Variants in CSMD1 observed in about 807,000 individuals in gnomAD.
CSMD1 encodes CUB and sushi domain-containing protein 1.
Under a neutral mutation model 417.5 loss-of-function variants are expected in CSMD1, and 213 were observed. That is an observed-to-expected ratio of 0.51 (90% CI 0.46 to 0.57). The LOEUF is 0.57. Among genes scored for constraint, CSMD1 ranks in the 20% least tolerant of loss-of-function variants. The pLI, the probability that CSMD1 is intolerant of heterozygous loss-of-function variation, is 0.00. For missense variants in CSMD1, 6,923 were observed against 4,529.7 expected (o/e 1.53, Z -15.17); for synonymous variants, 2,862 against 1,736.8 (o/e 1.65, Z -16.11).
intron 1 of CSMD1, among the ~76,000 whole-genome samples, chr8:4,913,899 C>T (rs1805867723): frequency 6.6e-6 from 1 of 152,166 alleles, no homozygotes; most frequent in Non-Finnish European, 1.5e-5. Flanking sequence ...ACTGTGCATC[C>T]TTCTTAATTA....
chr8:2,989,567 C>T (rs907885209), intron 54 of CSMD1, among the ~76,000 whole-genome samples: 2 of 152,040 alleles, frequency 1.3e-5, no homozygotes, highest in African/African-American at 4.8e-5. Context: ...AAAACAAAGG[C>T]TACATTAATC....
chr8:4,651,868 C>A (rs1322597825), intron 1 of CSMD1, among the ~76,000 whole-genome samples: 1 of 152,146 alleles, frequency 6.6e-6, no homozygotes, highest in Non-Finnish European at 1.5e-5. Flanking sequence ...TTATAAAGAA[C>A]CCTGGCCTGC....
chr8:4,329,013 C>G (rs1216544547), intron 3 of CSMD1, among the ~76,000 whole-genome samples: 1 of 152,120 alleles, frequency 6.6e-6, no homozygotes, highest in East Asian at 1.9e-4. Context: ...TCTTGGGCTT[C>G]CAACATCAAT....
In CSMD1 at chr8:3,460,107, T is replaced by C. The variant is rs531020461; in HGVS notation, c.1561+8605A>G. 1.4e-4 allele frequency among the ~76,000 whole-genome samples: 21 copies of C among 151,922 alleles called. No individual in the cohort carries two copies. In the South Asian group the frequency reaches 4.4e-3, roughly 32 times the overall value. ...CCTGGGAAGAAAGGCAATTAAACAA[T>C]TGTTGGGATGGAGGCAGCTCAGGGT... On this transcript the variant is annotated intron_variant, in intron 12 of 69. Transcript: ENST00000635120.
Position 3,142,604 on chromosome 8 carries a change from A to T in CSMD1, c.6102T>A (p.Pro2034=). The part of the protein sequence containing the change: ...NHDFLEIQNG[P]YHTSPMIGQF... ...GTCCAATCATGGGGCTGGTGTGGTA[A>T]GGTCCATTTTGAATTTCAAGGAAGT... is the stretch of plus-strand genomic sequence containing the variant. The change falls in exon 41 of 70, where the codon CCT becomes CCA. Residue 2034 remains proline, a synonymous_variant. Transcript: ENST00000635120. 1 of 1,614,004 alleles carries T rather than the reference A, an allele frequency of 6.2e-7. No homozygotes were observed. The highest frequency in any genetic ancestry group is 8.5e-7 in the Non-Finnish European group (1 of 1,179,864).
At chr8:2,970,735 C>G (rs1804389030) in intron 57 of CSMD1, among the ~76,000 whole-genome samples, 1 of 152,168 alleles carries the variant, frequency 6.6e-6, no homozygotes, top group Non-Finnish European at 1.5e-5. Context: ...AATTCACAAA[C>G]CCACCATGGT....
rs1275100974 is a variant in CSMD1 at position 3,052,450 on chromosome 8, C to G, written c.7660+12G>C. On this transcript the variant is annotated intron_variant, in intron 50 of 69. Coordinates refer to ENST00000635120, the MANE Select transcript of CSMD1 (RefSeq NM_033225.6). ...AACCCACAAAGATGGGCAGATGCCC[C>G]TGAACACTTACGCTTACACGTGGGC... is the stretch of plus-strand genomic sequence containing the variant. 1 of 1,557,724 alleles carries G rather than the reference C, an allele frequency of 6.4e-7. No individual in the cohort carries two copies. The highest frequency in any genetic ancestry group is 8.7e-7 in the Non-Finnish European group (1 of 1,150,134).
chr8:4,067,947 C>A (rs568384915), intron 3 of CSMD1, among the ~76,000 whole-genome samples: 10 of 151,984 alleles, frequency 6.6e-5, no homozygotes, highest in African/African-American at 2.4e-5. Context: ...CATGGTGGTG[C>A]GCTCCTGTAA....
chr8:3,024,117 C>G (rs574403524), intron 51 of CSMD1, among the ~76,000 whole-genome samples: 1 of 150,094 alleles, frequency 6.7e-6, no homozygotes, highest in Non-Finnish European at 1.5e-5. Flanking sequence ...ATATTATTAC[C>G]AGGATTCATG....
chr8:4,101,018 C>T (rs4875277), intron 3 of CSMD1, among the ~76,000 whole-genome samples: 118,911 of 152,056 alleles, frequency 0.78, 46,612 homozygotes, highest in African/African-American at 0.8. Flanking sequence ...TCCCAATCCA[C>T]GCAGCCTGTG....
chr8:4,909,503 A>C (rs1466949044), intron 1 of CSMD1, among the ~76,000 whole-genome samples: 4 of 152,102 alleles, frequency 2.6e-5, no homozygotes, highest in Admixed American at 6.5e-5. Flanking sequence ...TTTTTCCCTA[A>C]AGAGAAAGCC....
intron 1 of CSMD1, among the ~76,000 whole-genome samples, chr8:4,768,433 C>A (rs773570035): frequency 2.0e-5 from 3 of 152,176 alleles, no homozygotes; most frequent in Non-Finnish European, 4.4e-5. Flanking sequence ...CTGTGTTAAA[C>A]GTCAGGGAAA....
chr8:4,329,846 G>C (rs974621083), intron 3 of CSMD1, among the ~76,000 whole-genome samples: 8 of 76,516 alleles, frequency 1.0e-4, no homozygotes, highest in Non-Finnish European at 2.0e-4. Flanking sequence ...GCACCACCCT[G>C]CTTACACACA....
intron 2 of CSMD1, among the ~76,000 whole-genome samples, chr8:4,589,921 T>G (rs897886864): frequency 1.3e-5 from 2 of 152,296 alleles, no homozygotes; most frequent in African/African-American, 4.8e-5. Flanking sequence ...ATATGTGGCT[T>G]TTGTCTAACC....
chr8:4,156,828 G>A (rs1192352186), intron 3 of CSMD1, among the ~76,000 whole-genome samples: 2 of 151,950 alleles, frequency 1.3e-5, no homozygotes, highest in Admixed American at 1.3e-4. Context: ...CAAGTACTAT[G>A]AACACAATCA....
In CSMD1 at chr8:4,290,470, C is replaced by T. The variant is rs530774094; in HGVS notation, c.415+129483G>A. On this transcript the variant is annotated intron_variant, in intron 3 of 69. Coordinates refer to ENST00000635120, the MANE Select transcript of CSMD1 (RefSeq NM_033225.6). ...TCTATGGGCAATTTTAAACAAGGGTCAGGGACACTGCATCTTTCATAGCAT... is the reference window on the plus strand; with the variant it reads ...TCTATGGGCAATTTTAAACAAGGGTTAGGGACACTGCATCTTTCATAGCAT... Among the ~76,000 whole-genome samples the T allele has an allele frequency of 2.6e-5, 4 of 152,194 alleles. No individual in the cohort carries two copies. The East Asian group carries it at 7.7e-4, about 29-fold the overall frequency.
chr8:4,373,517 G>C (rs529065339), intron 3 of CSMD1, among the ~76,000 whole-genome samples: 6 of 152,236 alleles, frequency 3.9e-5, no homozygotes, highest in African/African-American at 9.6e-5. Flanking sequence ...AAAACTTTCA[G>C]AACTACTGCA....
intron 10 of CSMD1, among the ~76,000 whole-genome samples, chr8:3,539,306 C>G (rs189838744): frequency 6.6e-6 from 1 of 152,198 alleles, no homozygotes; most frequent in African/African-American, 2.4e-5. Context: ...GCCTACCTCC[C>G]ACCCCCAAGC....
chr8:4,732,773 A>G (rs1040137385), intron 1 of CSMD1, among the ~76,000 whole-genome samples: 3 of 152,154 alleles, frequency 2.0e-5, no homozygotes, highest in Non-Finnish European at 4.4e-5. Context: ...TATAGCTCTA[A>G]TTGTGCCCAA....
Sources: allele counts gnomAD v4.1 joint callset (sites outside exome capture counted in the v4.1 genomes callset), GRCh38; gene constraint gnomAD v4.1.1; transcripts MANE v1.5; gene names NCBI Gene and HGNC (gene_info 2026-07-23, HGNC 2026-07-21).